COX15: variants seen among roughly 807,000 people sequenced by gnomAD.
COX15 encodes cytochrome c oxidase assembly factor COX15.
COX15 carries 51 observed loss-of-function variants against 51.9 expected under a neutral mutation model. The ratio of observed to expected loss-of-function variants is 0.98; its 90% CI spans 0.78 to 1.24. COX15 has a LOEUF of 1.24. Among genes scored for constraint, COX15 ranks in the 50% most tolerant of loss-of-function variants. The pLI, the probability that COX15 is intolerant of heterozygous loss-of-function variation, is 0.00. For synonymous variants in COX15, 188 were observed against 190.5 expected, an observed-to-expected ratio of 0.99 and a Z score of 0.11; for missense variants, 420 against 501.1, an observed-to-expected ratio of 0.84 and a Z score of 1.55.
intron 8 of COX15, 148 bp downstream of exon 8, chr10:99,716,200 C>T: frequency 2.9e-6 from 2 of 687,366 alleles, no homozygotes; most frequent in Admixed American, 3.8e-5. Flanking sequence ...TGCCATGTTG[C>T]CCAGGCTAGT....
chr10:99,694,538 G>GTTTTT, the COX15 span, among the ~76,000 whole-genome samples: 1 of 134,444 alleles, frequency 7.4e-6, no homozygotes, highest in South Asian at 2.3e-4. Flanking sequence ...AAGTTTTTTT[G>GTTTTT]TTTTTTTTTT....
intron 1 of COX15, 150 bp from the exon 2 acceptor site, chr10:99,729,884 G>C (rs2037083721): frequency 1.2e-6 from 1 of 819,798 alleles, no homozygotes; most frequent in Non-Finnish European, 2.0e-6. Flanking sequence ...TACTGCATCA[G>C]CCTTCCAACT....
At chr10:99,703,758 C>T in the COX15 span, among the ~76,000 whole-genome samples, 1 of 152,036 alleles carries the variant, frequency 6.6e-6, no homozygotes, top group African/African-American at 2.4e-5. Context: ...GCTCTGTTGC[C>T]CAGGCTGAGT....
At chr10:99,702,699 A>G in the COX15 span, 1 of 1,583,772 alleles carries the variant, frequency 6.3e-7, no homozygotes, top group Non-Finnish European at 8.6e-7. Flanking sequence ...CCAATCTGGT[A>G]TCTTGAGCTC....
chr10:99,714,712 A>G lies in COX15; in HGVS notation c.1108T>C (p.Leu370=), dbSNP rs1182688874. 3.1e-6 allele frequency: 5 copies of G among 1,613,242 alleles called. No homozygotes were observed. The South Asian group carries it at 5.5e-5, about 18-fold the overall frequency. ...LLALAYTQVG[L]GISTLLMYVP... The stretch of plus-strand genomic sequence containing the variant: ...TACATCAGCAGCGTGCTGATGCCCA[A>G]GCCCACCTGTCACAAAGGAAAGAAG... The change falls in exon 9 of 9, where the codon TTG becomes CTG. Residue 370 remains leucine, a synonymous_variant. Transcript: ENST00000016171.
the COX15 span, among the ~76,000 whole-genome samples, chr10:99,696,681 A>T: frequency 6.6e-6 from 1 of 152,206 alleles, no homozygotes; most frequent in African/African-American, 2.4e-5. Flanking sequence ...GTTAGACCTT[A>T]ATGTACAAAC....
At chr10:99,704,245 T>G in the COX15 span, among the ~76,000 whole-genome samples, 1 of 152,154 alleles carries the variant, frequency 6.6e-6, no homozygotes, top group Non-Finnish European at 1.5e-5. Context: ...TGGAGGTCCC[T>G]TCTGGGGGCC....
At chr10:99,706,741 C>T (rs60812763), downstream of COX15, among the ~76,000 whole-genome samples, 375 of 152,258 alleles carry the variant, frequency 2.5e-3, 2 homozygotes, top group African/African-American at 8.6e-3. Flanking sequence ...ATCTGTGCTC[C>T]GTGAACCTTA....
chr10:99,724,229 C>A (rs2036873561), intron 4 of COX15, 106 bp from the exon 5 acceptor site: 1 of 1,318,722 alleles, frequency 7.6e-7, no homozygotes, highest in Non-Finnish European at 1.1e-6. Flanking sequence ...TGTCACCAGG[C>A]TGGAGTGCAG....
At chr10:99,706,941 C>T (rs1313456784), downstream of COX15, among the ~76,000 whole-genome samples, 1 of 152,108 alleles carries the variant, frequency 6.6e-6, no homozygotes, top group African/African-American at 2.4e-5. Context: ...ACTTGAAACA[C>T]GGAAGTAGTG....
chr10:99,705,117 T>C, the COX15 span: 3 of 182,170 alleles, frequency 1.6e-5, no homozygotes, highest in South Asian at 3.6e-4. Flanking sequence ...TCTTTCTCTG[T>C]AACAGAGATA....
At chr10:99,710,340 T>A, downstream of COX15, 4 of 985,436 alleles carry the variant, frequency 4.1e-6, no homozygotes, top group Non-Finnish European at 4.8e-6. Context: ...CATTCCACAA[T>A]TACCCTTTAG....
At position 99,718,494 on chromosome 10, in the gene COX15, A is replaced by G; in HGVS notation, c.839T>C (p.Phe280Ser). Reference sequence around the variant, plus strand: ...AAGCCCAGCATCTAGCCCTGCCACAAAAGCCCCTGTATTCCAAGGTAAATG... The same window carrying G: ...AAGCCCAGCATCTAGCCCTGCCACAGAAGCCCCTGTATTCCAAGGTAAATG... ...LVFLTALSGA[F>S]VAGLDAGLVY... Residue 280 changes from phenylalanine to serine, a missense_variant, in exon 7 of 9, where the codon TTT (phenylalanine) becomes TCT (serine). Coordinates refer to ENST00000016171, the MANE Select transcript of COX15 (RefSeq NM_078470.6). 2 of 1,614,212 alleles carry G rather than the reference A, an allele frequency of 1.2e-6. No individual in the cohort carries two copies. The highest frequency in any genetic ancestry group is 2.2e-5 in the East Asian group (1 of 44,886).
At chr10:99,725,745 A>G (rs2036929042) in intron 4 of COX15, among the ~76,000 whole-genome samples, 1 of 152,204 alleles carries the variant, frequency 6.6e-6, no homozygotes, top group South Asian at 2.1e-4. Flanking sequence ...TTTTAGGTAG[A>G]GACAGGGTTT....
At chr10:99,706,863 C>T (rs1057491), downstream of COX15, among the ~76,000 whole-genome samples, 65,934 of 151,962 alleles carry the variant, frequency 0.43, 14,724 homozygotes, top group Middle Eastern at 0.65. Context: ...TTTGTGAGAT[C>T]TAATCAATGA....
chr10:99,727,502 T>C lies in COX15; in HGVS notation c.334A>G (p.Thr112Ala). The change falls in exon 3 of 9, where the codon ACA (threonine) becomes GCA (alanine). Residue 112 changes from threonine (T) to alanine (A), a missense_variant. Thr to Ala is a moderately conservative substitution (Grantham distance 58). Coordinates refer to ENST00000016171, the MANE Select transcript of COX15 (RefSeq NM_078470.6). Reference protein sequence around the residue: ...WHLIKEMKPPTSQEEWEAEFQ... With the variant: ...WHLIKEMKPPASQEEWEAEFQ... ...TCTGCTTCCCATTCCTCTTGGCTTG[T>C]AGGTGGCTTCATCTCCTTTATTAAA... The C allele has an allele frequency of 1.2e-6, 2 of 1,613,936 alleles. No homozygotes were observed. The highest frequency in any genetic ancestry group is 1.7e-6 in the Non-Finnish European group (2 of 1,179,978).
At position 99,713,862 on chromosome 10, in the gene COX15, G is replaced by A. The variant is rs1400615067; in HGVS notation, c.*725C>T. The A allele has an allele frequency of 9.2e-6, 4 of 434,126 alleles. No individual in the cohort carries two copies. In the East Asian group the frequency reaches 2.8e-4, roughly 31 times the overall value. 26.9% of individuals were successfully genotyped at this position (434,126 alleles called of 1,614,324 possible). On this transcript the variant is annotated 3_prime_UTR_variant, in exon 9 of 9. Transcript: ENST00000016171. ...CTTGTGCCTGTAGTCCCAGCTACTC[G>A]GGAGGCTGAGGCATGAGAATCGCTT...
At chr10:99,700,432 GTGTGTGTGTGTGTT>G in the COX15 span, among the ~76,000 whole-genome samples, 4 of 81,156 alleles carry the variant, frequency 4.9e-5, no homozygotes, top group African/African-American at 1.6e-4. Flanking sequence ...GTGTGTGTGT[GTGTGTGTGTGTGTT>G]TATTGTCTGT....
chr10:99,729,441 C>G (rs567703861), intron 2 of COX15, 112 bp downstream of exon 2: 4 of 1,195,520 alleles, frequency 3.3e-6, no homozygotes, highest in South Asian at 1.2e-5. Context: ...GCCTGGCCAA[C>G]AGAGCAAGAC....
Sources: gnomAD v4.1 joint callset for allele counts (sites outside exome capture counted in the v4.1 genomes callset) on GRCh38, gnomAD v4.1.1 for gene constraint, MANE v1.5 for transcripts, NCBI Gene and HGNC (gene_info 2026-07-23, HGNC 2026-07-21) for gene names.